CCSER1: variants seen among roughly 807,000 people sequenced by gnomAD.
CCSER1 encodes the protein coiled-coil serine rich protein 1, also known as serine-rich coiled-coil domain-containing protein 1.
Under a neutral mutation model 82.0 loss-of-function variants are expected in CCSER1, and 41 were observed. The observed-to-expected ratio is 0.50, with a 90% CI of 0.39 to 0.65. The LOEUF is 0.65. Ranked by LOEUF, CCSER1 falls within the 30% of genes least tolerant of loss-of-function variation. The probability of loss-of-function intolerance (pLI) is 0.00; values close to 1 mark genes in which losing one functional copy is unlikely to be tolerated. For synonymous variants in CCSER1, 414 were observed against 383.9 expected (o/e 1.08, Z -0.92); for missense variants, 1,119 against 1,064.2 (o/e 1.05, Z -0.72).
At chr4:91,448,624 C>A (rs186385773) in intron 10 of CCSER1, among the ~76,000 whole-genome samples, 50 of 151,856 alleles carry the variant, frequency 3.3e-4, no homozygotes, top group African/African-American at 1.1e-3. Context: ...AATAATTTGG[C>A]GTTTTACCAT....
At chr4:91,162,534 A>G (rs1731532808) in intron 10 of CCSER1, among the ~76,000 whole-genome samples, 1 of 152,148 alleles carries the variant, frequency 6.6e-6, no homozygotes, top group African/African-American at 2.4e-5. Flanking sequence ...CCTCTGGTAG[A>G]ATTTGGCTGT....
chr4:91,424,792 A>G (rs1164616069), intron 10 of CCSER1, among the ~76,000 whole-genome samples: 2 of 152,110 alleles, frequency 1.3e-5, no homozygotes, highest in South Asian at 2.1e-4. Flanking sequence ...TAAATGTAAT[A>G]TCTTTCCGAG....
chr4:91,422,078 C>T (rs959795575), intron 10 of CCSER1, among the ~76,000 whole-genome samples: 6 of 152,062 alleles, frequency 3.9e-5, no homozygotes, highest in African/African-American at 9.7e-5. Context: ...CTTCCAGAGC[C>T]TCCAGGAAAG....
At chr4:91,285,417 A>G (rs1743207268) in intron 10 of CCSER1, among the ~76,000 whole-genome samples, 2 of 151,832 alleles carry the variant, frequency 1.3e-5, no homozygotes, top group African/African-American at 4.8e-5. Flanking sequence ...CCATAAGCGG[A>G]AATATAAAGG....
chr4:91,125,396 C>T (rs1370217299), intron 10 of CCSER1, among the ~76,000 whole-genome samples: 1 of 151,672 alleles, frequency 6.6e-6, no homozygotes, highest in Non-Finnish European at 1.5e-5. Flanking sequence ...AGAATTCCCA[C>T]AGTGAATAGT....
At chr4:91,105,138 C>T (rs530692350) in intron 10 of CCSER1, among the ~76,000 whole-genome samples, 1 of 151,600 alleles carries the variant, frequency 6.6e-6, no homozygotes, top group Middle Eastern at 3.4e-3. Flanking sequence ...TATGATAGAA[C>T]ATGAAGTATT....
At chr4:91,025,019 T>A (rs948453821) in intron 9 of CCSER1, among the ~76,000 whole-genome samples, 1 of 151,948 alleles carries the variant, frequency 6.6e-6, no homozygotes, top group African/African-American at 2.4e-5. Flanking sequence ...TACAAAGGAG[T>A]CTGTCCTGTT....
At chr4:90,807,850 T>G (rs1323642376) in intron 7 of CCSER1, among the ~76,000 whole-genome samples, 1 of 152,064 alleles carries the variant, frequency 6.6e-6, no homozygotes, top group Non-Finnish European at 1.5e-5. Flanking sequence ...ATGCAATTCC[T>G]ATAAAAATAC....
intron 6 of CCSER1, among the ~76,000 whole-genome samples, chr4:90,698,059 G>T (rs1257607793): frequency 6.6e-6 from 1 of 152,158 alleles, no homozygotes; most frequent in African/African-American, 2.4e-5. Flanking sequence ...TGATATTAAG[G>T]TTACCAAACA....
Position 91,581,727 on chromosome 4 carries a change from T to C in CCSER1, c.2218-16845T>C, listed in dbSNP as rs369154719. Among the ~76,000 whole-genome samples, 21 of 151,776 alleles carry C rather than the reference T, an allele frequency of 1.4e-4. No homozygotes were observed. The East Asian group carries it at 2.7e-3, about 20-fold the overall frequency. On this transcript the variant is annotated intron_variant, in intron 10 of 10. Transcript: ENST00000509176. ...TAAGTATTAGCAGGACTTATAGTTT[T>C]AATTTACTGCAGAGTTTCTCAACAT...
intron 3 of CCSER1, among the ~76,000 whole-genome samples, chr4:90,338,495 A>T (rs912891354): frequency 6.6e-6 from 1 of 152,174 alleles, no homozygotes; most frequent in Non-Finnish European, 1.5e-5. Context: ...AATATATGTC[A>T]TCTTCTGTTG....
chr4:91,028,637 T>C (rs531431823), intron 9 of CCSER1, among the ~76,000 whole-genome samples: 5 of 152,040 alleles, frequency 3.3e-5, no homozygotes, highest in African/African-American at 9.6e-5. Flanking sequence ...CAAATAATGC[T>C]CCACTAATGA....
At chr4:90,757,652 G>T (rs6848335) in intron 7 of CCSER1, among the ~76,000 whole-genome samples, 4,389 of 152,208 alleles carry the variant, frequency 0.029, 222 homozygotes, top group African/African-American at 0.098. Flanking sequence ...GCCAGAAATG[G>T]CTGAAGAGTC....
chr4:91,552,126 C>T (rs1211397540), intron 10 of CCSER1, among the ~76,000 whole-genome samples: 2 of 150,826 alleles, frequency 1.3e-5, no homozygotes, highest in Non-Finnish European at 3.0e-5. Flanking sequence ...ATCTCTAATT[C>T]AAGTATGTGC....
chr4:90,916,760 C>G (rs1417549595), intron 8 of CCSER1, among the ~76,000 whole-genome samples: 1 of 152,106 alleles, frequency 6.6e-6, no homozygotes, highest in Non-Finnish European at 1.5e-5. Context: ...TTGCAATCTA[C>G]TCATCTGACA....
chr4:90,803,124 A>G (rs1757041585), intron 7 of CCSER1, among the ~76,000 whole-genome samples: 1 of 152,178 alleles, frequency 6.6e-6, no homozygotes, highest in Admixed American at 6.5e-5. Flanking sequence ...GCCAAAAATT[A>G]TGTTCATAAA....
At chr4:91,153,666 T>A (rs539135106) in intron 10 of CCSER1, among the ~76,000 whole-genome samples, 1 of 152,058 alleles carries the variant, frequency 6.6e-6, no homozygotes, top group South Asian at 2.1e-4. Flanking sequence ...CTTTGATGAT[T>A]GTGACATACC....
At chr4:91,492,064 C>T (rs1282874528) in intron 10 of CCSER1, among the ~76,000 whole-genome samples, 1 of 150,544 alleles carries the variant, frequency 6.6e-6, no homozygotes, top group African/African-American at 2.4e-5. Context: ...CAGGTTTTTA[C>T]CATACTCCTG....
At chr4:90,420,457 TTAAG>T (rs1756513491) in intron 4 of CCSER1, among the ~76,000 whole-genome samples, 1 of 152,044 alleles carries the variant, frequency 6.6e-6, no homozygotes, top group Non-Finnish European at 1.5e-5. Context: ...GAGATGACTC[TTAAG>T]TAAGAAATTG....
Sources: allele counts gnomAD v4.1 joint callset (sites outside exome capture counted in the v4.1 genomes callset), GRCh38; gene constraint gnomAD v4.1.1; transcripts MANE v1.5; gene names NCBI Gene and HGNC (gene_info 2026-07-23, HGNC 2026-07-21).